RELCH: variants seen among roughly 807,000 people sequenced by gnomAD.
The protein encoded by RELCH is RAB11 binding and LisH domain, coiled-coil and HEAT repeat containing.
RELCH carries 41 observed loss-of-function variants against 150.3 expected under a neutral mutation model. The observed-to-expected ratio is 0.27, with a 90% CI of 0.21 to 0.35. RELCH has a LOEUF of 0.35. Among genes scored for constraint, RELCH ranks in the 10% least tolerant of loss-of-function variants. The probability of loss-of-function intolerance (pLI) is 1.00; values close to 1 mark genes in which losing one functional copy is unlikely to be tolerated. For missense variants in RELCH, 1,092 were observed against 1,467.8 expected (o/e 0.74, Z 4.18); for synonymous variants, 478 against 531.8 (o/e 0.90, Z 1.39).
rs187551659 is a variant in RELCH, at chr18:62,296,796, T to G, written c.3460-1994T>G. Among the ~76,000 whole-genome samples, 4 of 152,374 alleles carry G rather than the reference T, an allele frequency of 2.6e-5. No homozygotes were observed. In the East Asian group the frequency reaches 7.7e-4, roughly 29 times the overall value. ...AGATGATCATGAGGTTGTTTTTTCT[T>G]CTGTTGATACAGTGTATTACATTAA... On this transcript the variant is annotated intron_variant, in intron 27 of 28. Transcript: ENST00000644646.
intron 25 of RELCH, among the ~76,000 whole-genome samples, chr18:62,286,288 T>G (rs915815357): frequency 6.6e-6 from 1 of 152,112 alleles, no homozygotes; most frequent in Admixed American, 6.5e-5. Context: ...TTCAACTGAA[T>G]GTTTGGAGTT....
At position 62,268,897 on chromosome 18, in the gene RELCH, T is replaced by G; in HGVS notation, c.2709T>G (p.Thr903=). The G allele has an allele frequency of 6.5e-6, 10 of 1,549,988 alleles. No individual in the cohort carries two copies. Among genetic ancestry groups the G allele is most frequent in the Non-Finnish European group, 8.7e-6 (10 of 1,143,936 alleles). The change falls in exon 20 of 29, where the codon ACT becomes ACG. Residue 903 remains threonine (T), a synonymous_variant. Coordinates refer to ENST00000644646, the MANE Select transcript of RELCH (RefSeq NM_001346231.2). Reference sequence around the variant, plus strand: ...CCTCAGCAGGAAATGGGGTCCTCACTAAAGCTACAGTCCCCATTTATGCAA... The same window carrying G: ...CCTCAGCAGGAAATGGGGTCCTCACGAAAGCTACAGTCCCCATTTATGCAA... ...IDSSAGNGVL[T]KATVPIYATG... is the part of the protein sequence containing the mutation.
chr18:62,208,419 G>T (rs1178094065), intron 1 of RELCH, among the ~76,000 whole-genome samples: 1 of 150,718 alleles, frequency 6.6e-6, no homozygotes, highest in Non-Finnish European at 1.5e-5. Flanking sequence ...CCTTTATCAC[G>T]GTATTAGTTT....
intron 1 of RELCH, among the ~76,000 whole-genome samples, chr18:62,199,282 AAATT>A (rs1057366544): frequency 6.6e-6 from 1 of 152,126 alleles, no homozygotes; most frequent in African/African-American, 2.4e-5. Flanking sequence ...CCACTTATGG[AAATT>A]AATTATATAC....
At chr18:62,259,133 C>G (rs920464075) in intron 15 of RELCH, among the ~76,000 whole-genome samples, 1 of 151,918 alleles carries the variant, frequency 6.6e-6, no homozygotes, top group Non-Finnish European at 1.5e-5. Flanking sequence ...TTCCCACATA[C>G]AAGAATTAAA....
At chr18:62,296,038 T>C (rs2045392213) in intron 27 of RELCH, among the ~76,000 whole-genome samples, 1 of 152,212 alleles carries the variant, frequency 6.6e-6, no homozygotes, top group South Asian at 2.1e-4. Flanking sequence ...GTGATATTTT[T>C]GTTACTGATT....
chr18:62,240,006 A>G (rs932397015), intron 10 of RELCH, among the ~76,000 whole-genome samples: 5 of 151,950 alleles, frequency 3.3e-5, no homozygotes, highest in African/African-American at 9.7e-5. Context: ...TAATGTGACA[A>G]TTAGGGTACT....
chr18:62,305,819 A>G lies in RELCH; in HGVS notation c.*285A>G, dbSNP rs1472836041. ...TTTTATATAAATATATATATAGTGA[A>G]GAAGTTTTTTTTAATTTTTGGATGG... On this transcript the variant is annotated 3_prime_UTR_variant, in exon 29 of 29. Coordinates refer to ENST00000644646, the MANE Select transcript of RELCH (RefSeq NM_001346231.2). The surrounding 1 kb of genome is among the most constrained non-coding windows in gnomAD (Gnocchi z 4.0). 1.2e-5 allele frequency: 2 copies of G among 164,182 alleles called. No individual in the cohort carries two copies. The highest frequency in any genetic ancestry group is 2.6e-5 in the Non-Finnish European group (2 of 76,392). 10.2% of individuals were successfully genotyped at this position (164,182 alleles called of 1,614,324 possible).
At chr18:62,295,573 G>C (rs968157012) in intron 27 of RELCH, among the ~76,000 whole-genome samples, 12 of 151,660 alleles carry the variant, frequency 7.9e-5, no homozygotes, top group African/African-American at 2.2e-4. Context: ...TGAATTTAAG[G>C]GTTTTGGCTT....
intron 13 of RELCH, among the ~76,000 whole-genome samples, chr18:62,256,774 C>T (rs998654176): frequency 6.6e-6 from 1 of 151,964 alleles, no homozygotes; most frequent in African/African-American, 2.4e-5. Flanking sequence ...TTGCCTAAAT[C>T]AGCATAAAGC....
intron 1 of RELCH, among the ~76,000 whole-genome samples, chr18:62,194,754 G>T (rs1044753443): frequency 3.3e-5 from 5 of 152,160 alleles, no homozygotes; most frequent in African/African-American, 1.2e-4. Flanking sequence ...ACGGTTTAAA[G>T]ATTGGTAGTA....
At chr18:62,247,577 T>C (rs1447385879) in intron 11 of RELCH, among the ~76,000 whole-genome samples, 1 of 151,364 alleles carries the variant, frequency 6.6e-6, no homozygotes, top group Non-Finnish European at 1.5e-5. Context: ...AGGGTCTCAC[T>C]CTGTCTCCCA....
chr18:62,300,778 A>G (rs572869470), intron 28 of RELCH, among the ~76,000 whole-genome samples: 28 of 152,340 alleles, frequency 1.8e-4, no homozygotes, highest in South Asian at 4.1e-4. Context: ...TTACCTGTGT[A>G]AGTACTACAA....
chr18:62,257,542 T>C (rs1196714865), intron 13 of RELCH, among the ~76,000 whole-genome samples: 1 of 151,838 alleles, frequency 6.6e-6, no homozygotes, highest in African/African-American at 2.4e-5. Context: ...GACACGAGAG[T>C]CATTGTCCAT....
At chr18:62,217,830 A>G (rs1249027103) in intron 2 of RELCH, among the ~76,000 whole-genome samples, 1 of 152,002 alleles carries the variant, frequency 6.6e-6, no homozygotes, top group Non-Finnish European at 1.5e-5. Context: ...AAGCAGAAAG[A>G]ACAATAGTGG....
intron 8 of RELCH, among the ~76,000 whole-genome samples, chr18:62,229,789 T>TG (rs1221022442): frequency 6.6e-6 from 1 of 151,962 alleles, no homozygotes; most frequent in Admixed American, 6.6e-5. Context: ...TGTTCCCACA[T>TG]GCACAAATGA....
chr18:62,194,477 G>C (rs935434047), intron 1 of RELCH, among the ~76,000 whole-genome samples: 4 of 152,118 alleles, frequency 2.6e-5, no homozygotes, highest in Admixed American at 6.5e-5. Context: ...AAGGAGAAAA[G>C]AAATATTTCT....
intron 25 of RELCH, among the ~76,000 whole-genome samples, chr18:62,282,932 A>G (rs2044596950): frequency 1.3e-5 from 2 of 152,186 alleles, no homozygotes; most frequent in Non-Finnish European, 2.9e-5. Context: ...TGTTGGGATT[A>G]CAGGCGTGAA....
chr18:62,249,148 A>G (rs1230988331), intron 11 of RELCH, among the ~76,000 whole-genome samples: 1 of 152,222 alleles, frequency 6.6e-6, no homozygotes, highest in Non-Finnish European at 1.5e-5. Context: ...TAATTTCAGT[A>G]CTTGCTTTTC....
Sources: allele counts gnomAD v4.1 joint callset (sites outside exome capture counted in the v4.1 genomes callset), GRCh38; gene constraint gnomAD v4.1.1; non-coding constraint Gnocchi (gnomAD v3.1); transcripts MANE v1.5; gene names NCBI Gene and HGNC (gene_info 2026-07-23, HGNC 2026-07-21).